The following RBBP4 variants were observed in gnomAD, a reference collection of about 807,000 sequenced individuals.
The protein encoded by RBBP4 is RB binding protein 4, chromatin remodeling factor.
A neutral mutation model predicts 57.2 loss-of-function variants in RBBP4; 3 were observed. The observed-to-expected ratio is 0.05, with a 90% CI of 0.02 to 0.14. RBBP4 has a LOEUF of 0.14. RBBP4 is among the 10% of genes least tolerant of loss of function. RBBP4 has a pLI of 1.00. For missense variants in RBBP4, 107 were observed against 520.6 expected, an observed-to-expected ratio of 0.21 and a Z score of 7.73; for synonymous variants, 151 against 171.5, an observed-to-expected ratio of 0.88 and a Z score of 0.93.
intron 3 of RBBP4, among the ~76,000 whole-genome samples, chr1:32,664,114 G>A (rs528245677): frequency 2.0e-5 from 3 of 152,060 alleles, no homozygotes; most frequent in Non-Finnish European, 2.9e-5. Context: ...ATTTTTATTA[G>A]AGACGGGGTT....
chr1:32,660,655 A>G (rs1648365127), intron 3 of RBBP4, among the ~76,000 whole-genome samples: 1 of 151,114 alleles, frequency 6.6e-6, no homozygotes, highest in Non-Finnish European at 1.5e-5. Flanking sequence ...TCTGGCCTCA[A>G]TCTTCCCACC....
chr1:32,652,155 A>G, intron 2 of RBBP4, 94 bp downstream of exon 2: 1 of 1,417,904 alleles, frequency 7.1e-7, no homozygotes, highest in Non-Finnish European at 9.6e-7. Flanking sequence ...CACCCGGAGA[A>G]GGCATGTGAT....
In RBBP4 at chr1:32,680,919, G is replaced by T. The variant is rs775563194; in HGVS notation, c.*1214G>T. On this transcript the variant is annotated 3_prime_UTR_variant, in exon 12 of 12. Coordinates refer to ENST00000373493, the MANE Select transcript of RBBP4 (RefSeq NM_005610.3). The stretch of plus-strand genomic sequence containing the variant: ...AAGTCTATCTGTAGAGAACTACATG[G>T]ACTTCCAAGAGTGTCAAAGGCAGTG... 3 of 192,086 alleles carry T rather than the reference G, an allele frequency of 1.6e-5. No individual in the cohort carries two copies. Among genetic ancestry groups the T allele is most frequent in the Non-Finnish European group, 3.2e-5 (3 of 94,628 alleles). The allele number at this position is 192,086 out of a possible 1,614,324, so 11.9% of individuals were successfully genotyped here. A position where few individuals can be genotyped will look rare whatever the true frequency, so the allele number is the denominator to read the frequency against.
intron 3 of RBBP4, among the ~76,000 whole-genome samples, chr1:32,661,411 C>T (rs906526172): frequency 1.3e-5 from 2 of 151,352 alleles, no homozygotes; most frequent in African/African-American, 2.4e-5. Flanking sequence ...TCTTCTGCCT[C>T]AGCTTCCCGA....
In RBBP4 at chr1:32,682,694, C is replaced by T. The variant is rs1424690483; in HGVS notation, c.*2989C>T. 1 of 151,832 alleles carries T rather than the reference C, an allele frequency of 6.6e-6. No individual in the cohort carries two copies. The highest frequency in any genetic ancestry group is 1.5e-5 in the Non-Finnish European group (1 of 67,998). 9.4% of individuals were successfully genotyped at this position (151,832 alleles called of 1,614,324 possible). A position where few individuals can be genotyped will look rare whatever the true frequency, so the allele number is the denominator to read the frequency against. On this transcript the variant is annotated 3_prime_UTR_variant, in exon 12 of 12. Coordinates refer to ENST00000373493, the MANE Select transcript of RBBP4 (RefSeq NM_005610.3). ...GCTGAGGCAGGAAAATCACTTGAAC[C>T]CAGGAGGTGGAGGTTGCAGTGAACT...
chr1:32,666,626 G>A (rs1648659817), intron 3 of RBBP4, among the ~76,000 whole-genome samples: 1 of 152,186 alleles, frequency 6.6e-6, no homozygotes, highest in Admixed American at 6.5e-5. Flanking sequence ...CAAAGTGCTG[G>A]GATTACAGGC....
In RBBP4 at chr1:32,684,172, T is replaced by C. The variant is rs1307681424; in HGVS notation, c.*4467T>C. ...ATTTCCCAAATCCTCTTTTTGTTTT[T>C]GATTCTAAGGTAAAATTTTCCCTAA... On this transcript the variant is annotated 3_prime_UTR_variant, in exon 12 of 12. Coordinates refer to ENST00000373493, the MANE Select transcript of RBBP4 (RefSeq NM_005610.3). The C allele has an allele frequency of 2.0e-5, 32 of 1,606,198 alleles. No individual in the cohort carries two copies. The highest frequency in any genetic ancestry group is 2.7e-5 in the Non-Finnish European group (32 of 1,175,308).
At chr1:32,675,498 G>A (rs570100347) in intron 11 of RBBP4, among the ~76,000 whole-genome samples, 46 of 151,674 alleles carry the variant, frequency 3.0e-4, no homozygotes, top group Admixed American at 3.3e-4. Flanking sequence ...GGCCAGGTGC[G>A]GTGGCTCACG....
rs1649596977 is a variant in RBBP4 at position 32,683,595 on chromosome 1, G to A, written c.*3890G>A. ...TTTTGGAGGTTTGGGTTATCCCCTT[G>A]TCATTAGGCACACAAGGGTTTTTTG... On this transcript the variant is annotated 3_prime_UTR_variant, in exon 12 of 12. Coordinates refer to ENST00000373493, the MANE Select transcript of RBBP4 (RefSeq NM_005610.3). The A allele has an allele frequency of 6.4e-6, 1 of 155,862 alleles. No homozygotes were observed. The highest frequency in any genetic ancestry group is 2.4e-5 in the African/African-American group (1 of 41,478). The allele number at this position is 155,862 out of a possible 1,614,324, so 9.7% of individuals were successfully genotyped here. A position where few individuals can be genotyped will look rare whatever the true frequency, so the allele number is the denominator to read the frequency against.
At position 32,652,008 on chromosome 1, in the gene RBBP4, C is replaced by T. The variant is rs1262321476; in HGVS notation, c.111C>T (p.Thr37=). 3 of 1,613,862 alleles carry T rather than the reference C, an allele frequency of 1.9e-6. No homozygotes were observed. Among genetic ancestry groups the T allele is most frequent in the Non-Finnish European group, 2.5e-6 (3 of 1,179,816 alleles). Residue 37 remains threonine (T), a synonymous_variant, in exon 2 of 12, where the codon ACC becomes ACT. Transcript: ENST00000373493. ...NTPFLYDLVM[T]HALEWPSLTA... is the part of the protein sequence containing the mutation. ...CTTTTCTTTATGATTTGGTGATGAC[C>T]CATGCTCTGGAGTGGCCCAGCCTAA...
intron 3 of RBBP4, among the ~76,000 whole-genome samples, chr1:32,660,824 T>C (rs1490458171): frequency 6.6e-6 from 1 of 152,142 alleles, no homozygotes. Context: ...TTTGTTGTTA[T>C]TTTGAGGCGG....
At chr1:32,664,284 A>G (rs1220971133) in intron 3 of RBBP4, among the ~76,000 whole-genome samples, 3 of 152,196 alleles carry the variant, frequency 2.0e-5, no homozygotes, top group East Asian at 1.9e-4. Flanking sequence ...AGTTCTTACT[A>G]CTGTGGTTTT....
Position 32,652,151 on chromosome 1 carries a change from G to C in RBBP4, c.164+90G>C, listed in dbSNP as rs928867376. On this transcript the variant is annotated intron_variant, in intron 2 of 11. Transcript: ENST00000373493. ...CTTTTTTCCGCTCTTCAGTCACCCG[G>C]AGAAGGCATGTGATCAAAACCTCTT... The C allele has an allele frequency of 2.8e-6, 4 of 1,427,096 alleles. No homozygotes were observed. The African/African-American group carries it at 4.3e-5, about 15-fold the overall frequency. 88.4% of individuals were successfully genotyped at this position (1,427,096 alleles called of 1,614,324 possible). A position where few individuals can be genotyped will look rare whatever the true frequency, so the allele number is the denominator to read the frequency against.
chr1:32,651,261 T>G lies in RBBP4; in HGVS notation c.-46T>G. 4 of 1,506,874 alleles carry G rather than the reference T, an allele frequency of 2.7e-6. No homozygotes were observed. The highest frequency in any genetic ancestry group is 3.5e-6 in the Non-Finnish European group (4 of 1,128,172). 93.3% of individuals were successfully genotyped at this position (1,506,874 alleles called of 1,614,324 possible). A position where few individuals can be genotyped will look rare whatever the true frequency, so the allele number is the denominator to read the frequency against. On this transcript the variant is annotated 5_prime_UTR_variant, in exon 1 of 12. Coordinates refer to ENST00000373493, the MANE Select transcript of RBBP4 (RefSeq NM_005610.3). ...CGAGCTCTTGCAGCCTCCCCGCCCC[T>G]CCCGCAACGCTCGACCCCAGGATTC...
At chr1:32,654,629 CATCTT>C (rs1209017400) in intron 2 of RBBP4, among the ~76,000 whole-genome samples, 1 of 152,180 alleles carries the variant, frequency 6.6e-6, no homozygotes, top group Non-Finnish European at 1.5e-5. Context: ...TCTGTACTGT[CATCTT>C]AGTAGTTTTC....
At chr1:32,662,236 T>C (rs926590797) in intron 3 of RBBP4, 13 of 341,284 alleles carry the variant, frequency 3.8e-5, no homozygotes, top group Middle Eastern at 9.0e-4. Context: ...AGTCTCTCTC[T>C]GTCGTCCAGG....
intron 2 of RBBP4, among the ~76,000 whole-genome samples, chr1:32,655,424 C>A (rs1161289197): frequency 7.9e-5 from 12 of 152,170 alleles, no homozygotes; most frequent in Admixed American, 7.2e-4. Flanking sequence ...AGTTCTGTAA[C>A]ACTGTCCTCT....
intron 2 of RBBP4, among the ~76,000 whole-genome samples, chr1:32,653,818 C>T (rs1012204367): frequency 2.0e-5 from 3 of 151,812 alleles, no homozygotes; most frequent in African/African-American, 7.3e-5. Flanking sequence ...GCCACTACCC[C>T]TGGCTAATTT....
chr1:32,655,440 A>G (rs2786172), intron 2 of RBBP4, among the ~76,000 whole-genome samples: 131,260 of 152,194 alleles, frequency 0.86, 58,143 homozygotes, highest in Non-Finnish European at 0.96. Context: ...CCTCTCCTTC[A>G]TTCTTTTTCT....
Sources: allele counts gnomAD v4.1 joint callset (sites outside exome capture counted in the v4.1 genomes callset), GRCh38; gene constraint gnomAD v4.1.1; transcripts MANE v1.5; gene names NCBI Gene and HGNC (gene_info 2026-07-23, HGNC 2026-07-21).